Variants in PEPD observed in about 807,000 individuals in gnomAD.
The protein encoded by PEPD is peptidase D.
Under a neutral mutation model 60.7 loss-of-function variants are expected in PEPD, and 53 were observed. The observed-to-expected ratio is 0.87, with a 90% confidence interval of 0.70 to 1.10. The LOEUF (loss-of-function observed/expected upper bound fraction) is 1.10, where lower values mean the gene tolerates loss of function less well. Ranked by LOEUF, PEPD falls within the 50% of genes least tolerant of loss-of-function variation. PEPD has a pLI of 0.00. For synonymous variants in PEPD, 267 were observed against 284.1 expected (o/e 0.94, Z 0.60); for missense variants, 711 against 711.9 (o/e 1.00, Z 0.01).
At chr19:33,464,138 C>A in intron 7 of PEPD, 76 bp from the exon 8 acceptor site, 1 of 1,019,196 alleles carries the variant, frequency 9.8e-7, no homozygotes, top group Admixed American at 1.9e-5. Context: ...AGGGAGAGCT[C>A]AGGGCCTACC....
At chr19:33,433,803 A>G (rs1568469095) in intron 9 of PEPD, among the ~76,000 whole-genome samples, 1 of 152,242 alleles carries the variant, frequency 6.6e-6, no homozygotes, top group Non-Finnish European at 1.5e-5. Context: ...AGATGTCTGT[A>G]AATCTGCAAG....
At chr19:33,448,449 G>C (rs573046423) in intron 9 of PEPD, among the ~76,000 whole-genome samples, 88 of 152,188 alleles carry the variant, frequency 5.8e-4, no homozygotes, top group Non-Finnish European at 1.1e-3. Flanking sequence ...CTTTAGAGTG[G>C]GGGACCAGCT....
chr19:33,429,966 CAATT>C (rs2145394223), intron 9 of PEPD, among the ~76,000 whole-genome samples: 1 of 152,278 alleles, frequency 6.6e-6, no homozygotes, highest in African/African-American at 2.4e-5. Flanking sequence ...GGAAATAACA[CAATT>C]AATCTTGAGG....
intron 9 of PEPD, among the ~76,000 whole-genome samples, chr19:33,449,461 C>T (rs1290845641): frequency 2.0e-5 from 3 of 152,120 alleles, no homozygotes; most frequent in Non-Finnish European, 4.4e-5. Context: ...GAGAGCTCAC[C>T]GGAGAAGCCT....
chr19:33,395,446 A>G (rs1165810692), intron 12 of PEPD, among the ~76,000 whole-genome samples: 3 of 152,140 alleles, frequency 2.0e-5, no homozygotes, highest in Non-Finnish European at 2.9e-5. Flanking sequence ...CAGACCCTAG[A>G]ACGGGCAGGG....
intron 12 of PEPD, among the ~76,000 whole-genome samples, chr19:33,391,700 T>G (rs1402141877): frequency 1.3e-5 from 2 of 152,120 alleles, no homozygotes; most frequent in Admixed American, 1.3e-4. Context: ...TCGGGACCCT[T>G]CTTGTCCCTC....
intron 3 of PEPD, among the ~76,000 whole-genome samples, chr19:33,501,938 T>C (rs1025699950): frequency 2.6e-5 from 4 of 152,162 alleles, no homozygotes; most frequent in African/African-American, 9.6e-5. Flanking sequence ...AGCTTATTCA[T>C]TACCCCTGAA....
intron 8 of PEPD, 117 bp from the exon 9 acceptor site, chr19:33,463,158 T>C: frequency 2.6e-6 from 2 of 777,980 alleles, no homozygotes; most frequent in South Asian, 1.4e-5. Context: ...AAAAAAAGAA[T>C]GATATGTGCA....
Position 33,388,085 on chromosome 19 carries a change from T to C in PEPD, c.1153-4A>G, listed in dbSNP as rs986165358. 2 of 1,545,870 alleles carry C rather than the reference T, an allele frequency of 1.3e-6. No homozygotes were observed. The highest frequency in any genetic ancestry group is 1.7e-6 in the Non-Finnish European group (2 of 1,146,856). ...GCTCGTCGATGCGCTCCACGCCCTG[T>C]GGGGAACAGAGGTGAGGGGCCTGAT... On this transcript the variant is annotated splice_polypyrimidine_tract_variant and splice_region_variant and intron_variant, in intron 13 of 14. Coordinates refer to ENST00000244137, the MANE Select transcript of PEPD (RefSeq NM_000285.4).
At chr19:33,391,514 G>T in intron 12 of PEPD, 35 bp from the exon 13 acceptor site, 1 of 1,533,942 alleles carries the variant, frequency 6.5e-7, no homozygotes. Context: ...GAGCCACAGA[G>T]CCCAGCAGCC....
At chr19:33,427,472 AC>A (rs1297491027) in intron 9 of PEPD, among the ~76,000 whole-genome samples, 2 of 152,160 alleles carry the variant, frequency 1.3e-5, no homozygotes, top group Non-Finnish European at 2.9e-5. Context: ...CGATTTAAGA[AC>A]CAACTCACAT....
chr19:33,439,089 T>A (rs1361414242), intron 9 of PEPD, among the ~76,000 whole-genome samples: 1 of 152,256 alleles, frequency 6.6e-6, no homozygotes, highest in African/African-American at 2.4e-5. Flanking sequence ...CAGAAGTGGC[T>A]GCCCAAGGAC....
At chr19:33,486,468 A>G (rs1184242857) in intron 6 of PEPD, among the ~76,000 whole-genome samples, 2 of 151,850 alleles carry the variant, frequency 1.3e-5, no homozygotes, top group East Asian at 3.9e-4. Flanking sequence ...CCTTCACGCT[A>G]CTGTCATCAC....
chr19:33,431,332 G>C (rs976449766), intron 9 of PEPD, among the ~76,000 whole-genome samples: 1 of 152,154 alleles, frequency 6.6e-6, no homozygotes, highest in Non-Finnish European at 1.5e-5. Flanking sequence ...TCTACCATGG[G>C]TTGAAATCAC....
At chr19:33,463,418 G>A (rs1362288300) in intron 8 of PEPD, among the ~76,000 whole-genome samples, 3 of 152,164 alleles carry the variant, frequency 2.0e-5, no homozygotes, top group Admixed American at 1.3e-4. Context: ...CATAAAACAC[G>A]GAGAGCATTA....
At chr19:33,521,027 C>T (rs896698934) in intron 1 of PEPD, among the ~76,000 whole-genome samples, 1 of 152,210 alleles carries the variant, frequency 6.6e-6, no homozygotes, top group African/African-American at 2.4e-5. Flanking sequence ...GGCTCAGATG[C>T]TCCCTATCTG....
chr19:33,455,989 A>T (rs1969790691), intron 9 of PEPD, among the ~76,000 whole-genome samples: 1 of 152,114 alleles, frequency 6.6e-6, no homozygotes, highest in Non-Finnish European at 1.5e-5. Flanking sequence ...TCCTTCATCG[A>T]CCAGGTTACA....
chr19:33,418,902 T>C (rs1968949189), intron 9 of PEPD, among the ~76,000 whole-genome samples: 1 of 152,152 alleles, frequency 6.6e-6, no homozygotes, highest in Non-Finnish European at 1.5e-5. Context: ...CAGAAATGCA[T>C]GATTAATAAA....
chr19:33,469,815 CT>C (rs1970090233), intron 7 of PEPD, among the ~76,000 whole-genome samples: 1 of 152,090 alleles, frequency 6.6e-6, no homozygotes, highest in South Asian at 2.1e-4. Flanking sequence ...CTTTTGCGTT[CT>C]ATTTTGAACT....
Sources: gnomAD v4.1 joint callset for allele counts (sites outside exome capture counted in the v4.1 genomes callset) on GRCh38, gnomAD v4.1.1 for gene constraint, MANE v1.5 for transcripts, NCBI Gene and HGNC (gene_info 2026-07-23, HGNC 2026-07-21) for gene names.